Variants in KRTAP5-5 observed in about 807,000 individuals in gnomAD.
KRTAP5-5 encodes keratin associated protein 5-5.
Under a neutral mutation model 2.8 loss-of-function variants are expected in KRTAP5-5, and 1 was observed. That is an observed-to-expected ratio of 0.35 (90% CI 0.13 to 1.67). The LOEUF (loss-of-function observed/expected upper bound fraction) is 1.67, where lower values mean the gene tolerates loss of function less well. KRTAP5-5 is among the 40% of genes most tolerant of loss of function. The probability of loss-of-function intolerance (pLI) is 0.35; values close to 1 mark genes in which losing one functional copy is unlikely to be tolerated. For synonymous variants in KRTAP5-5, 83 were observed against 110.6 expected (o/e 0.75, Z 1.57); for missense variants, 134 against 270.9 (o/e 0.49, Z 3.55).
At chr11:1,630,338 C>T in exon 1 of KRTAP5-5, 3 of 1,612,446 alleles carry the variant, frequency 1.9e-6, no homozygotes, top group Non-Finnish European at 2.5e-6. Flanking sequence ...GCTGCTGCTC[C>T]TCAGGCTGTG....
chr11:1,630,740 C>A (rs1474964546), downstream of KRTAP5-5: 10 of 769,192 alleles, frequency 1.3e-5, no homozygotes, highest in Admixed American at 1.1e-4. Flanking sequence ...TTCTCCTGAA[C>A]TTCCTCTCCC....
At chr11:1,630,243 TCCAAGGGGGGCTGTGGCTCCTGTGGGG>T in exon 1 of KRTAP5-5, 2 of 672,512 alleles carry the variant, frequency 3.0e-6, no homozygotes, top group Non-Finnish European at 4.5e-6. Context: ...CTGTGGGGGG[TCCAAGGGGGGCTGTGGCTCCTGTGGGG>T]GGTCCAAGGG....
exon 1 of KRTAP5-5, chr11:1,630,485 C>T (rs1849746630): frequency 6.2e-7 from 1 of 1,611,334 alleles, no homozygotes; most frequent in Non-Finnish European, 8.5e-7. Context: ...GCTGCCAATC[C>T]AGCTGCTACA....
At chr11:1,629,801 C>T (rs768533431) in exon 1 of KRTAP5-5, 3 of 1,611,244 alleles carry the variant, frequency 1.9e-6, no homozygotes, top group East Asian at 4.5e-5. Flanking sequence ...CTCCCTCTCA[C>T]CTGCTCCTCT....
downstream of KRTAP5-5, chr11:1,630,789 G>C: frequency 1.6e-6 from 1 of 642,552 alleles, no homozygotes; most frequent in Non-Finnish European, 2.8e-6. Context: ...GGCCCACTGA[G>C]GCCCCAGAGG....
downstream of KRTAP5-5, chr11:1,630,844 A>C: frequency 3.5e-6 from 2 of 575,964 alleles, no homozygotes; most frequent in Non-Finnish European, 6.4e-6. Flanking sequence ...TTCTTTCAGG[A>C]GTGTGATCGA....
exon 1 of KRTAP5-5, chr11:1,630,662 G>T: frequency 6.9e-7 from 1 of 1,448,198 alleles, no homozygotes; most frequent in Admixed American, 1.7e-5. Flanking sequence ...GTCCTCACTG[G>T]CTTCATCCAC....
At chr11:1,630,112 C>T in exon 1 of KRTAP5-5, 1 of 1,610,084 alleles carries the variant, frequency 6.2e-7, no homozygotes, top group Non-Finnish European at 8.5e-7. Flanking sequence ...GGCTGTGGCT[C>T]TTGCGGGGGC....
exon 1 of KRTAP5-5, chr11:1,630,530 C>A (rs183750160): frequency 2.5e-6 from 4 of 1,614,074 alleles, no homozygotes; most frequent in South Asian, 1.1e-5. Flanking sequence ...GCTGTGTCCC[C>A]GTGTGCTGCC....
At chr11:1,630,707 C>A in exon 1 of KRTAP5-5, 1 of 1,003,092 alleles carries the variant, frequency 1.0e-6, no homozygotes, top group Non-Finnish European at 1.5e-6. Context: ...ACTGAGGACC[C>A]CTTCTGGCTC....
At chr11:1,630,312 A>C in exon 1 of KRTAP5-5, 2 of 1,612,020 alleles carry the variant, frequency 1.2e-6, no homozygotes, top group Non-Finnish European at 1.7e-6. Flanking sequence ...CTCCCAGTCC[A>C]GCTGCTGCAA....
chr11:1,629,819 C>T, exon 1 of KRTAP5-5: 2 of 1,611,430 alleles, frequency 1.2e-6, no homozygotes, highest in Non-Finnish European at 1.7e-6. Context: ...TCTACCTGCT[C>T]CACCCTCAAT....
chr11:1,630,671 A>G, exon 1 of KRTAP5-5: 2 of 1,376,528 alleles, frequency 1.5e-6, no homozygotes, highest in Admixed American at 1.8e-5. Flanking sequence ...GGCTTCATCC[A>G]CTCCACACCA....
rs372072203 is a variant in KRTAP5-5, at chr11:1,630,137, T to C, written c.297T>C (p.Cys99=). 2.5e-6 allele frequency: 4 copies of C among 1,607,172 alleles called. No individual in the cohort carries two copies. The East Asian group carries it at 9.0e-5, about 36-fold the overall frequency. The change falls in exon 1 of 1, where the codon TGT becomes TGC. Residue 99 remains cysteine, a synonymous_variant. Transcript: ENST00000399676. ...CTTGCGGGGGCTCCAAGAGAGGCTGTGTCTCCTGTGGGGTGTCCAAGGGGG... is the reference window on the plus strand; with the variant it reads ...CTTGCGGGGGCTCCAAGAGAGGCTGCGTCTCCTGTGGGGTGTCCAAGGGGG...
chr11:1,629,864 A>C, exon 1 of KRTAP5-5: 1 of 1,375,368 alleles, frequency 7.3e-7, no homozygotes, highest in East Asian at 2.3e-5. Context: ...GCTGCTCCGG[A>C]GGCTGTGGCT....
exon 1 of KRTAP5-5, chr11:1,630,493 A>G (rs1554948550): frequency 1.3e-6 from 2 of 1,591,890 alleles, no homozygotes; most frequent in Non-Finnish European, 8.5e-7. Context: ...TCCAGCTGCT[A>G]CAAGCCCTGC....
exon 1 of KRTAP5-5, chr11:1,630,698 C>A: frequency 9.4e-7 from 1 of 1,068,518 alleles, no homozygotes; most frequent in Non-Finnish European, 1.4e-6. Context: ...CCGAAACTGA[C>A]TGAGGACCCC....
Position 1,630,530 on chromosome 11 carries a change from CGT to C in KRTAP5-5, c.694_695del (p.Cys232LeufsTer4). ...GCTGCCAGTCCAGCTGCTGTGTCCC[CGT>C]GTGCTGCCAGTGTAAGATCTGAGGC... is the stretch of plus-strand genomic sequence containing the variant. On this transcript the variant is annotated frameshift_variant, in exon 1 of 1. Coordinates refer to ENST00000399676, the Ensembl canonical transcript of KRTAP5-5. LOFTEE classifies it high-confidence loss of function. 1 of 1,614,074 alleles carries C rather than the reference CGT, an allele frequency of 6.2e-7. No individual in the cohort carries two copies. The highest frequency in any genetic ancestry group is 8.5e-7 in the Non-Finnish European group (1 of 1,179,964).
Position 1,630,680 on chromosome 11 carries a change from C to T in KRTAP5-5, c.*126C>T, listed in dbSNP as rs1849750292. The stretch of plus-strand genomic sequence containing the variant: ...CTCACTGGCTTCATCCACTCCACAC[C>T]AGTGCTCCCGAAACTGACTGAGGAC... On this transcript the variant is annotated 3_prime_UTR_variant, in exon 1 of 1. Coordinates refer to ENST00000399676, the Ensembl canonical transcript of KRTAP5-5. The T allele has an allele frequency of 7.6e-6, 10 of 1,309,244 alleles. No individual in the cohort carries two copies. In the South Asian group the frequency reaches 1.0e-4, roughly 14 times the overall value. The allele number at this position is 1,309,244 out of a possible 1,614,324, so 81.1% of individuals were successfully genotyped here.
Sources: gnomAD v4.1 joint callset for allele counts on GRCh38, gnomAD v4.1.1 for gene constraint, MANE v1.5 for transcripts, NCBI Gene and HGNC (gene_info 2026-07-23, HGNC 2026-07-21) for gene names.